TAX1BP1: variants seen among roughly 807,000 people sequenced by gnomAD.
TAX1BP1 encodes tax1-binding protein 1.
Under a neutral mutation model 97.7 loss-of-function variants are expected in TAX1BP1, and 62 were observed. The ratio of observed to expected loss-of-function variants is 0.63; its 90% CI spans 0.52 to 0.78. The LOEUF is 0.78. Ranked by LOEUF, TAX1BP1 falls within the 30% of genes least tolerant of loss-of-function variation. The pLI is 0.00. For missense variants in TAX1BP1, 867 were observed against 916.1 expected (o/e 0.95, Z 0.69); for synonymous variants, 340 against 304.2 (o/e 1.12, Z -1.23).
rs369869103 is a variant in TAX1BP1 at position 27,748,696 on chromosome 7, C to T, written c.162+10C>T. ...GGTTGGTATATTCAAGGTAAGAAAG[C>T]TTTCTGAATATGTTCTCCATGTAAA... On this transcript the variant is annotated intron_variant, in intron 2 of 16. Coordinates refer to ENST00000396319, the MANE Select transcript of TAX1BP1 (RefSeq NM_006024.7). 6.7e-7 allele frequency: 1 copy of T among 1,503,564 alleles called. No individual in the cohort carries two copies. The highest frequency in any genetic ancestry group is 8.9e-7 in the Non-Finnish European group (1 of 1,117,660). 93.1% of individuals were successfully genotyped at this position (1,503,564 alleles called of 1,614,324 possible).
At chr7:27,778,660 C>G (rs7796790) in intron 5 of TAX1BP1, among the ~76,000 whole-genome samples, 52,082 of 151,720 alleles carry the variant, frequency 0.34, 9,089 homozygotes, top group African/African-American at 0.41. Context: ...GTCAAGAGAT[C>G]GAGACCATCC....
intron 4 of TAX1BP1, among the ~76,000 whole-genome samples, 200 bp from the exon 5 acceptor site, chr7:27,769,476 A>T (rs1788763196): frequency 6.6e-6 from 1 of 152,004 alleles, no homozygotes; most frequent in Non-Finnish European, 1.5e-5. Context: ...TGCTCAACCA[A>T]AAGAAGGTTT....
rs761385277 is a variant in TAX1BP1 at position 27,785,480 on chromosome 7, A to G, written c.843A>G (p.Glu281=). 30 of 1,609,928 alleles carry G rather than the reference A, an allele frequency of 1.9e-5. No individual in the cohort carries two copies. Among genetic ancestry groups the G allele is most frequent in the Non-Finnish European group, 2.5e-5 (29 of 1,178,440 alleles). The change falls in exon 7 of 17, where the codon GAA becomes GAG. Residue 281 remains glutamate (E), a synonymous_variant. Coordinates refer to ENST00000396319, the MANE Select transcript of TAX1BP1 (RefSeq NM_006024.7). The stretch of plus-strand genomic sequence containing the variant: ...TGAAGACAGAGAAGGATGAAAAGGA[A>G]CTTTATAAGGTAATTTATTTTTTAC... ...CQLKTEKDEK[E]LYKVHLKNTE... is the part of the protein sequence containing the mutation.
intron 12 of TAX1BP1, among the ~76,000 whole-genome samples, chr7:27,796,600 G>T (rs190409017): frequency 1.3e-5 from 2 of 152,166 alleles, no homozygotes; most frequent in Non-Finnish European, 2.9e-5. Flanking sequence ...GGTGGCTCAC[G>T]CCTGTAATCC....
intron 7 of TAX1BP1, 75 bp from the exon 8 acceptor site, chr7:27,787,343 T>C (rs1016229905): frequency 3.8e-6 from 5 of 1,301,834 alleles, no homozygotes; most frequent in Non-Finnish European, 5.2e-6. Context: ...GTTAGAAATA[T>C]AATGGTATTT....
chr7:27,806,487 T>C (rs924432808), intron 13 of TAX1BP1, among the ~76,000 whole-genome samples: 3 of 152,192 alleles, frequency 2.0e-5, no homozygotes, highest in Non-Finnish European at 2.9e-5. Context: ...GCTATCTAGT[T>C]ATCTCAATCC....
At chr7:27,804,382 C>T (rs371753125) in intron 13 of TAX1BP1, among the ~76,000 whole-genome samples, 7 of 152,332 alleles carry the variant, frequency 4.6e-5, no homozygotes, top group African/African-American at 1.7e-4. Context: ...ACTATAAGGA[C>T]GAACCTTCCT....
At position 27,782,825 on chromosome 7, in the gene TAX1BP1, T is replaced by C. The variant is rs1789313831; in HGVS notation, c.613-2338T>C. ...TGAATCTAGAATACCATACCTTTTT[T>C]CTAGATAATTGTTAGTGATACTGTA... is the stretch of plus-strand genomic sequence containing the variant. On this transcript the variant is annotated intron_variant, in intron 5 of 16. Coordinates refer to ENST00000396319, the MANE Select transcript of TAX1BP1 (RefSeq NM_006024.7). Among the ~76,000 whole-genome samples the C allele has an allele frequency of 2.6e-5, 4 of 152,228 alleles. No individual in the cohort carries two copies. The South Asian group carries it at 8.3e-4, about 32-fold the overall frequency.
chr7:27,766,406 C>A (rs947500579), intron 4 of TAX1BP1, among the ~76,000 whole-genome samples: 1 of 105,688 alleles, frequency 9.5e-6, no homozygotes, highest in Non-Finnish European at 1.8e-5. Context: ...GGCGACAGAG[C>A]GAGACTCCGT....
intron 2 of TAX1BP1, among the ~76,000 whole-genome samples, chr7:27,756,774 A>G (rs1788234022): frequency 2.0e-5 from 3 of 152,232 alleles, no homozygotes; most frequent in African/African-American, 4.8e-5. Context: ...AAGGAAAAAA[A>G]TGGGCTCAAA....
intron 15 of TAX1BP1, among the ~76,000 whole-genome samples, chr7:27,818,185 G>A (rs1309231680): frequency 6.6e-6 from 1 of 152,138 alleles, no homozygotes; most frequent in Non-Finnish European, 1.5e-5. Context: ...TTAGCAGAAT[G>A]TTCTTTCTGA....
intron 16 of TAX1BP1, 53 bp downstream of exon 16, chr7:27,827,873 C>T: frequency 6.6e-7 from 1 of 1,524,242 alleles, no homozygotes; most frequent in Non-Finnish European, 9.0e-7. Context: ...CAGTGGTTCT[C>T]AAAGGTGGTC....
rs200115275 is a variant in TAX1BP1 at position 27,792,145 on chromosome 7, C to T, written c.1178C>T (p.Thr393Ile). 2.2e-5 allele frequency: 35 copies of T among 1,614,014 alleles called. No homozygotes were observed. In the East Asian group the frequency reaches 6.5e-4, roughly 30 times the overall value. The change falls in exon 9 of 17, where the codon ACT becomes ATT. Residue 393 changes from threonine to isoleucine, a missense_variant. Thr to Ile is a moderately conservative substitution (Grantham distance 89). Around this residue, in one of 3 missense-constraint regions of TAX1BP1, gnomAD observed 822 missense variants for 851.4 expected, o/e 0.97. Coordinates refer to ENST00000396319, the MANE Select transcript of TAX1BP1 (RefSeq NM_006024.7). ...VRDRTMADLH[T>I]ARLENEKVKK... ...GACAGAACGATGGCAGACCTGCATA[C>T]TGCACGCTTGGAAAACGAGAAAGTG... is the stretch of plus-strand genomic sequence containing the variant.
chr7:27,805,898 A>G (rs1346882158), intron 13 of TAX1BP1, among the ~76,000 whole-genome samples: 1 of 152,202 alleles, frequency 6.6e-6, no homozygotes, highest in Non-Finnish European at 1.5e-5. Flanking sequence ...CTGCTGAATC[A>G]GCAGCTCTGG....
intron 3 of TAX1BP1, among the ~76,000 whole-genome samples, chr7:27,761,945 A>G (rs947827143): frequency 2.0e-5 from 3 of 152,194 alleles, no homozygotes; most frequent in Non-Finnish European, 4.4e-5. Flanking sequence ...CCTACCTGCA[A>G]TGAATGATGA....
intron 5 of TAX1BP1, among the ~76,000 whole-genome samples, chr7:27,780,425 G>A (rs1789208249): frequency 6.6e-6 from 1 of 152,046 alleles, no homozygotes; most frequent in Non-Finnish European, 1.5e-5. Flanking sequence ...ATGTGAACGA[G>A]CCTTATAGTC....
Position 27,829,685 on chromosome 7 carries a change from A to T in TAX1BP1, c.*856A>T, listed in dbSNP as rs1782632198. The T allele has an allele frequency of 6.6e-6, 1 of 152,194 alleles. No individual in the cohort carries two copies. The highest frequency in any genetic ancestry group is 1.5e-5 in the Non-Finnish European group (1 of 68,006). 9.4% of individuals were successfully genotyped at this position (152,194 alleles called of 1,614,324 possible). On this transcript the variant is annotated 3_prime_UTR_variant, in exon 17 of 17. Transcript: ENST00000396319. The stretch of plus-strand genomic sequence containing the variant: ...ACAATACATAAACCCAAATCAAAGT[A>T]ATGTGTTTCTTCAGTTATGTCTGTG...
intron 5 of TAX1BP1, among the ~76,000 whole-genome samples, chr7:27,776,184 G>A (rs2128313858): frequency 6.6e-6 from 1 of 152,206 alleles, no homozygotes; most frequent in Middle Eastern, 3.4e-3. Context: ...GGTACCTTTT[G>A]GAGTACTTAA....
chr7:27,818,676 T>C (rs1445414049), intron 15 of TAX1BP1, among the ~76,000 whole-genome samples: 1 of 152,230 alleles, frequency 6.6e-6, no homozygotes, highest in Admixed American at 6.5e-5. Flanking sequence ...GTTTACCTAA[T>C]GATTGTAATA....
Sources: allele counts gnomAD v4.1 joint callset (sites outside exome capture counted in the v4.1 genomes callset), GRCh38; gene constraint gnomAD v4.1.1; regional missense constraint gnomAD v4.1.1; transcripts MANE v1.5; gene names NCBI Gene and HGNC (gene_info 2026-07-23, HGNC 2026-07-21).